The following DOCK10 variants were observed in gnomAD, a reference collection of about 807,000 sequenced individuals.
The protein encoded by DOCK10 is dedicator of cytokinesis protein 10.
In DOCK10, 145 loss-of-function variants were observed where a neutral mutation model predicts 280.1. The ratio of observed to expected loss-of-function variants is 0.52; its 90% CI spans 0.45 to 0.59. The LOEUF is 0.59. DOCK10 is among the 20% of genes least tolerant of loss of function. The pLI is 0.00. For missense variants in DOCK10, 2,368 were observed against 2,651.7 expected (o/e 0.89, Z 2.35); for synonymous variants, 915 against 942.2 (o/e 0.97, Z 0.53).
intron 44 of DOCK10, 37 bp downstream of exon 44, chr2:224,796,279 A>G: frequency 7.6e-7 from 1 of 1,311,790 alleles, no homozygotes; most frequent in Non-Finnish European, 1.1e-6. Flanking sequence ...CAGATTTAAA[A>G]AAATTCTGCA....
At chr2:224,777,539 T>A (rs980285705) in intron 51 of DOCK10, among the ~76,000 whole-genome samples, 14 of 152,226 alleles carry the variant, frequency 9.2e-5, no homozygotes, top group African/African-American at 3.4e-4. Flanking sequence ...GCTTTTGGAC[T>A]CTTGGACTTA....
intron 1 of DOCK10, among the ~76,000 whole-genome samples, chr2:224,986,183 G>A (rs889356284): frequency 3.9e-5 from 6 of 152,112 alleles, no homozygotes; most frequent in Admixed American, 6.5e-5. Context: ...TCAAGTACAC[G>A]GAAAACTACT....
At chr2:224,982,978 G>A (rs1347905851) in intron 1 of DOCK10, among the ~76,000 whole-genome samples, 1 of 152,156 alleles carries the variant, frequency 6.6e-6, no homozygotes, top group East Asian at 1.9e-4. Flanking sequence ...AACCAGCCCT[G>A]AGTGAGAGAC....
chr2:224,976,537 T>C (rs1039668907), intron 1 of DOCK10, among the ~76,000 whole-genome samples: 3 of 152,142 alleles, frequency 2.0e-5, no homozygotes, highest in African/African-American at 7.2e-5. Flanking sequence ...GTGACAGACT[T>C]GAGACTCTGA....
intron 48 of DOCK10, among the ~76,000 whole-genome samples, chr2:224,787,693 A>C (rs1691832011): frequency 6.6e-6 from 1 of 152,166 alleles, no homozygotes; most frequent in African/African-American, 2.4e-5. Flanking sequence ...GTTTTGAGCG[A>C]GTCTGTTTTC....
At position 224,976,384 on chromosome 2, in the gene DOCK10, C is replaced by T. The variant is rs145854559; in HGVS notation, c.124-44716G>A. Among the ~76,000 whole-genome samples, 617 of 152,224 alleles carry T rather than the reference C, an allele frequency of 4.1e-3. 2 individuals carry two copies. The highest frequency in any genetic ancestry group is 0.013 in the African/African-American group (525 of 41,546). ...ACCTGCACGTTCTGCACATGCATCCCAGAACTTAAAGTAAAATAATAATAA... is the reference window on the plus strand; with the variant it reads ...ACCTGCACGTTCTGCACATGCATCCTAGAACTTAAAGTAAAATAATAATAA... On this transcript the variant is annotated intron_variant, in intron 1 of 55. Coordinates refer to ENST00000258390, the MANE Select transcript of DOCK10 (RefSeq NM_014689.3).
chr2:224,845,435 A>G, intron 20 of DOCK10, 84 bp downstream of exon 20: 5 of 1,548,008 alleles, frequency 3.2e-6, no homozygotes, highest in Non-Finnish European at 4.4e-6. Flanking sequence ...AAATAATTCA[A>G]TAAATCAGGG....
chr2:224,994,510 G>T (rs1295939798), intron 1 of DOCK10, among the ~76,000 whole-genome samples: 1 of 152,186 alleles, frequency 6.6e-6, no homozygotes, highest in Non-Finnish European at 1.5e-5. Flanking sequence ...TCTCTCACAG[G>T]CATTGAATAT....
chr2:225,014,718 C>A (rs542699706), intron 1 of DOCK10, among the ~76,000 whole-genome samples: 1 of 152,002 alleles, frequency 6.6e-6, no homozygotes, highest in African/African-American at 2.4e-5. Context: ...TTTTCTTTTT[C>A]TTACTTTTAA....
rs192630259 is a variant in DOCK10 at position 224,874,006 on chromosome 2, G to T, written c.1247C>A (p.Pro416Gln). 1 of 1,610,296 alleles carries T rather than the reference G, an allele frequency of 6.2e-7. No individual in the cohort carries two copies. Among genetic ancestry groups the T allele is most frequent in the South Asian group, 1.1e-5 (1 of 89,658 alleles). ...AGAGGAGAAACTTACATTCGTTATC[G>T]GATCATTTTCATTCTCCGTAACACA... ...QGCVTENEND[P>Q]ITNIEPFFVS... Residue 416 changes from proline to glutamine, a missense_variant, in exon 11 of 56, where the codon CCG (proline) becomes CAG (glutamine). Around this residue, in one of 2 missense-constraint regions of DOCK10, gnomAD observed 1,209 missense variants for 1,250.9 expected, o/e 0.97. Coordinates refer to ENST00000258390, the MANE Select transcript of DOCK10 (RefSeq NM_014689.3).
intron 1 of DOCK10, among the ~76,000 whole-genome samples, chr2:224,967,082 CT>C (rs11381058): frequency 1.9e-3 from 276 of 142,876 alleles, no homozygotes; most frequent in Middle Eastern, 3.6e-3. Context: ...ATCCTCTAGT[CT>C]TTTTTTTTTT....
intron 1 of DOCK10, chr2:224,982,659 G>T: frequency 3.0e-6 from 1 of 336,022 alleles, no homozygotes; most frequent in Non-Finnish European, 4.2e-6. Flanking sequence ...GAAGCTCTTC[G>T]ATTCTCCTTT....
At chr2:225,029,113 C>T (rs1690003986) in intron 1 of DOCK10, among the ~76,000 whole-genome samples, 1 of 152,148 alleles carries the variant, frequency 6.6e-6, no homozygotes, top group Non-Finnish European at 1.5e-5. Context: ...TGCTCTGTGA[C>T]CCTGACCACA....
Position 224,770,678 on chromosome 2 carries a change from A to G in DOCK10, c.6205-33T>C, listed in dbSNP as rs769041405. On this transcript the variant is annotated intron_variant, in intron 53 of 55. Coordinates refer to ENST00000258390, the MANE Select transcript of DOCK10 (RefSeq NM_014689.3). This position sits in a 1 kb window ranked among gnomAD's most constrained non-coding sequence, Gnocchi z 4.5. The stretch of plus-strand genomic sequence containing the variant: ...GAAGAAAATTGGTGAAGGATGATCT[A>G]CCTTCTGCATGGAGTCTTTTCCACC... 11 of 1,487,918 alleles carry G rather than the reference A, an allele frequency of 7.4e-6. No homozygotes were observed. The African/African-American group carries it at 1.4e-4, about 19-fold the overall frequency. The allele number at this position is 1,487,918 out of a possible 1,614,324, so 92.2% of individuals were successfully genotyped here. A position where few individuals can be genotyped will look rare whatever the true frequency, so the allele number is the denominator to read the frequency against.
At chr2:224,832,040 A>G (rs1695274134) in intron 26 of DOCK10, among the ~76,000 whole-genome samples, 1 of 152,180 alleles carries the variant, frequency 6.6e-6, no homozygotes, top group Non-Finnish European at 1.5e-5. Flanking sequence ...CTTGGGCCTA[A>G]GGGTGACACT....
Position 224,995,279 on chromosome 2 carries a change from G to A in DOCK10, c.123+46973C>T, listed in dbSNP as rs76898013. 5.9e-3 allele frequency among the ~76,000 whole-genome samples: 906 copies of A among 152,296 alleles called. 7 individuals carry two copies. The highest frequency in any genetic ancestry group is 0.02 in the African/African-American group (826 of 41,552). On this transcript the variant is annotated intron_variant, in intron 1 of 55. Coordinates refer to ENST00000258390, the MANE Select transcript of DOCK10 (RefSeq NM_014689.3). The stretch of plus-strand genomic sequence containing the variant: ...TCTATAGTTTAGTCCCATTCAGAGC[G>A]GGAAGGAACTACACAGGGCATGAGT...
chr2:224,949,323 G>A (rs897245786), intron 1 of DOCK10, among the ~76,000 whole-genome samples: 3 of 152,150 alleles, frequency 2.0e-5, no homozygotes, highest in African/African-American at 4.8e-5. Context: ...CAGTAATAAG[G>A]AGCAATCAGA....
chr2:224,952,962 T>C (rs1703846355), intron 1 of DOCK10, among the ~76,000 whole-genome samples: 2 of 152,250 alleles, frequency 1.3e-5, no homozygotes, highest in Admixed American at 6.5e-5. Context: ...GGAAATGGCA[T>C]CATCACTGAA....
chr2:224,865,414 A>C (rs770037205), intron 11 of DOCK10, among the ~76,000 whole-genome samples: 3 of 152,174 alleles, frequency 2.0e-5, no homozygotes, highest in Non-Finnish European at 4.4e-5. Context: ...GAAAATCTGT[A>C]ATGAAATCCT....
Sources: gnomAD v4.1 joint callset for allele counts (sites outside exome capture counted in the v4.1 genomes callset) on GRCh38, gnomAD v4.1.1 for gene constraint, gnomAD v4.1.1 regional missense constraint, Gnocchi (gnomAD v3.1) non-coding constraint, MANE v1.5 for transcripts, NCBI Gene and HGNC (gene_info 2026-07-23, HGNC 2026-07-21) for gene names.